The following ATP13A5 variants were observed in gnomAD, a reference collection of about 807,000 sequenced individuals.
The protein encoded by ATP13A5 is probable cation-transporting ATPase 13A5.
ATP13A5 carries 149 observed loss-of-function variants against 150.2 expected under a neutral mutation model. The observed-to-expected ratio is 0.99, with a 90% confidence interval of 0.87 to 1.14. The LOEUF (loss-of-function observed/expected upper bound fraction) is 1.14, where lower values mean the gene tolerates loss of function less well. Ranked by LOEUF, ATP13A5 falls within the 50% of genes most tolerant of loss-of-function variation. The pLI is 0.00. For missense variants in ATP13A5, 1,383 were observed against 1,449.3 expected, an observed-to-expected ratio of 0.95 and a Z score of 0.74; for synonymous variants, 497 against 522.2, an observed-to-expected ratio of 0.95 and a Z score of 0.66.
At chr3:193,333,095 C>G (rs1187678653) in intron 11 of ATP13A5, among the ~76,000 whole-genome samples, 4 of 151,806 alleles carry the variant, frequency 2.6e-5, no homozygotes, top group Admixed American at 2.0e-4. Flanking sequence ...ATTCTTGTTA[C>G]TATGTCTTTT....
At position 193,310,725 on chromosome 3, in the gene ATP13A5, G is replaced by GA. The variant is rs775650711; in HGVS notation, c.2446-9dup. 10 of 1,592,552 alleles carry GA rather than the reference G, an allele frequency of 6.3e-6. No homozygotes were observed. The highest frequency in any genetic ancestry group is 1.8e-5 in the Admixed American group (1 of 54,192). On this transcript the variant is annotated splice_polypyrimidine_tract_variant and intron_variant, in intron 20 of 29. Coordinates refer to ENST00000342358, the MANE Select transcript of ATP13A5 (RefSeq NM_198505.4). The stretch of plus-strand genomic sequence containing the variant: ...TGTTCCATTCACCAGAATCTAAAAA[G>GA]AAAAAACAACCATTGCAATATGATT...
Position 193,363,380 on chromosome 3 carries a change from G to C in ATP13A5, c.240C>G (p.Asp80Glu), listed in dbSNP as rs532060349. The C allele has an allele frequency of 3.7e-6, 6 of 1,610,288 alleles. No homozygotes were observed. Among genetic ancestry groups the C allele is most frequent in the Non-Finnish European group, 5.1e-6 (6 of 1,178,174 alleles). Residue 80 changes from aspartate to glutamate, a missense_variant and splice_region_variant, in exon 3 of 30, where the codon GAC becomes GAG. By Grantham distance (45) the Asp-to-Glu change is conservative (BLOSUM62 2). Transcript: ENST00000342358. Reference sequence around the variant, plus strand: ...TCTTCCTCATATATCTTTGAAATTCGTCCTGGAAAAGACAATCCAGTTCAT... The same window carrying C: ...TCTTCCTCATATATCTTTGAAATTCCTCCTGGAAAAGACAATCCAGTTCAT... ...EADTVLLRTT[D>E]EFQRYMRKKV...
At chr3:193,345,560 G>A (rs888495509) in intron 7 of ATP13A5, among the ~76,000 whole-genome samples, 20 of 152,170 alleles carry the variant, frequency 1.3e-4, no homozygotes, top group African/African-American at 4.6e-4. Context: ...ATTGGTTACA[G>A]GTTGGTGTTT....
Position 193,279,378 on chromosome 3 carries a change from G to A in ATP13A5, c.3303C>T (p.Tyr1101=), listed in dbSNP as rs1330555595. The A allele has an allele frequency of 6.2e-7, 1 of 1,613,332 alleles. No individual in the cohort carries two copies. Reference sequence around the variant, plus strand: ...GAATGCCACTTACCTCCATTCCACGGTATATAACTTGAAAGTCAGAAAACA... The same window carrying A: ...GAATGCCACTTACCTCCATTCCACGATATATAACTTGAAAGTCAGAAAACA... ...FILFSDFQVI[Y]RGMELIPTIT... The change falls in exon 28 of 30, where the codon TAC becomes TAT. Residue 1101 remains tyrosine, a synonymous_variant. Coordinates refer to ENST00000342358, the MANE Select transcript of ATP13A5 (RefSeq NM_198505.4).
intron 9 of ATP13A5, among the ~76,000 whole-genome samples, chr3:193,343,316 T>C (rs73888275): frequency 0.01 from 1,528 of 152,298 alleles, 22 homozygotes; most frequent in African/African-American, 0.035. Context: ...CAAATTCAAG[T>C]AGACTTAACA....
At chr3:193,296,690 G>A (rs985078180) in intron 25 of ATP13A5, among the ~76,000 whole-genome samples, 2 of 151,846 alleles carry the variant, frequency 1.3e-5, no homozygotes, top group Non-Finnish European at 2.9e-5. Flanking sequence ...TGTTTCATAT[G>A]AATTTTAAAA....
At chr3:193,311,271 A>C (rs1577342095) in intron 20 of ATP13A5, among the ~76,000 whole-genome samples, 1 of 152,178 alleles carries the variant, frequency 6.6e-6, no homozygotes, top group Non-Finnish European at 1.5e-5. Context: ...TGACACTGCT[A>C]ACAGATAGTT....
At chr3:193,339,467 T>G (rs2108881023) in intron 9 of ATP13A5, among the ~76,000 whole-genome samples, 1 of 152,324 alleles carries the variant, frequency 6.6e-6, no homozygotes. Context: ...GCAGATGAAT[T>G]AAATAAAAAT....
At chr3:193,277,928 C>A (rs1250414782) in intron 28 of ATP13A5, among the ~76,000 whole-genome samples, 1 of 152,168 alleles carries the variant, frequency 6.6e-6, no homozygotes, top group Non-Finnish European at 1.5e-5. Context: ...CTCAGCCTCC[C>A]AAGTAGCTGG....
At chr3:193,362,247 T>C in intron 5 of ATP13A5, 134 bp downstream of exon 5, 1 of 763,806 alleles carries the variant, frequency 1.3e-6, no homozygotes, top group Non-Finnish European at 2.2e-6. Flanking sequence ...TTAGGATATC[T>C]CCGCTGCCAG....
chr3:193,330,084 C>T (rs1711571836), intron 12 of ATP13A5, among the ~76,000 whole-genome samples: 1 of 152,170 alleles, frequency 6.6e-6, no homozygotes, highest in South Asian at 2.1e-4. Context: ...TCCTCTGTTC[C>T]CCACATGCAG....
In ATP13A5 at chr3:193,362,652, G is replaced by A. The variant is rs1490306734; in HGVS notation, c.385-15C>T. On this transcript the variant is annotated splice_polypyrimidine_tract_variant and intron_variant, in intron 3 of 29. Coordinates refer to ENST00000342358, the MANE Select transcript of ATP13A5 (RefSeq NM_198505.4). ...ATGCACCGCAGCTACGATTGCAAATGTGATAGAGCAGGTGTCATTCACAGC... is the reference window on the plus strand; with the variant it reads ...ATGCACCGCAGCTACGATTGCAAATATGATAGAGCAGGTGTCATTCACAGC... 6 of 1,613,140 alleles carry A rather than the reference G, an allele frequency of 3.7e-6. No individual in the cohort carries two copies. Among genetic ancestry groups the A allele is most frequent in the Non-Finnish European group, 4.2e-6 (5 of 1,179,180 alleles).
chr3:193,339,833 T>C (rs1712045988), intron 9 of ATP13A5, among the ~76,000 whole-genome samples: 1 of 152,146 alleles, frequency 6.6e-6, no homozygotes. Context: ...ATCCACAATA[T>C]ATACTTAGGC....
At chr3:193,284,856 G>A in intron 27 of ATP13A5, 58 bp downstream of exon 27, 2 of 1,365,676 alleles carry the variant, frequency 1.5e-6, no homozygotes, top group Non-Finnish European at 2.0e-6. Context: ...TACAACTCTA[G>A]GGTGAGAAAG....
intron 25 of ATP13A5, among the ~76,000 whole-genome samples, chr3:193,296,351 A>C (rs1298499411): frequency 1.3e-5 from 2 of 151,876 alleles, no homozygotes; most frequent in African/African-American, 4.8e-5. Flanking sequence ...ATTTGACAGG[A>C]TATTTTTGTG....
Position 193,362,602 on chromosome 3 carries a change from A to G in ATP13A5, c.420T>C (p.Val140=). The change falls in exon 4 of 30, where the codon GTT becomes GTC. Residue 140 remains valine, a synonymous_variant. Transcript: ENST00000342358. ...GAAACCGCTTCTCCAGGTCGTTCCA[A>G]ACATACCTGATTTTCTGCACTTCCA... is the stretch of plus-strand genomic sequence containing the variant. ...RCMEVQKIRY[V]WNDLEKRFQK... 1 of 1,614,206 alleles carries G rather than the reference A, an allele frequency of 6.2e-7. No homozygotes were observed. Among genetic ancestry groups the G allele is most frequent in the South Asian group, 1.1e-5 (1 of 91,076 alleles).
chr3:193,296,668 G>T (rs1718184451), intron 25 of ATP13A5, among the ~76,000 whole-genome samples: 1 of 151,826 alleles, frequency 6.6e-6, no homozygotes, highest in South Asian at 2.1e-4. Flanking sequence ...GGCTATTCGT[G>T]CTCTTTTTTT....
At position 193,295,278 on chromosome 3, in the gene ATP13A5, C is replaced by T. The variant is rs536226200; in HGVS notation, c.2848+3853G>A. Reference sequence around the variant, plus strand: ...CAGCTTTCTCTTGCTCATGCTGCTTCCTTCTACTTGAAATGCTCTTCTTTT... The same window carrying T: ...CAGCTTTCTCTTGCTCATGCTGCTTTCTTCTACTTGAAATGCTCTTCTTTT... On this transcript the variant is annotated intron_variant, in intron 25 of 29. Transcript: ENST00000342358. 1.8e-4 allele frequency among the ~76,000 whole-genome samples: 28 copies of T among 152,144 alleles called. 1 individual carries two copies. In the East Asian group the frequency reaches 2.7e-3, roughly 15 times the overall value.
intron 17 of ATP13A5, 107 bp downstream of exon 17, chr3:193,318,884 G>A: frequency 1.3e-6 from 1 of 776,452 alleles, no homozygotes; most frequent in Non-Finnish European, 2.2e-6. Flanking sequence ...TTAATTCTCT[G>A]TCTCTGAGAG....
Sources: gnomAD v4.1 joint callset for allele counts (sites outside exome capture counted in the v4.1 genomes callset) on GRCh38, gnomAD v4.1.1 for gene constraint, MANE v1.5 for transcripts, NCBI Gene and HGNC (gene_info 2026-07-23, HGNC 2026-07-21) for gene names.